SYNE1: variants seen among roughly 807,000 people sequenced by gnomAD.
SYNE1 encodes the protein nesprin-1.
A neutral mutation model predicts 1,111.0 loss-of-function variants in SYNE1; 616 were observed. The observed-to-expected ratio is 0.55, with a 90% CI of 0.52 to 0.59. SYNE1 has a LOEUF of 0.59. Among genes scored for constraint, SYNE1 ranks in the 20% least tolerant of loss-of-function variants. The pLI is 0.00. For synonymous variants in SYNE1, 3,855 were observed against 3,825.8 expected, an observed-to-expected ratio of 1.01 and a Z score of -0.28; for missense variants, 10,006 against 10,417.0, an observed-to-expected ratio of 0.96 and a Z score of 1.72.
chr6:152,595,424 C>G (rs935217901), intron 3 of SYNE1, among the ~76,000 whole-genome samples: 1 of 152,162 alleles, frequency 6.6e-6, no homozygotes, highest in Non-Finnish European at 1.5e-5. Flanking sequence ...CCTGGAATGC[C>G]TTCCCCGCTT....
intron 64 of SYNE1, among the ~76,000 whole-genome samples, chr6:152,361,409 A>G (rs759986939): frequency 6.6e-6 from 1 of 152,264 alleles, no homozygotes; most frequent in African/African-American, 2.4e-5. Flanking sequence ...GGCAAGAAAC[A>G]AGGTGAAAAA....
chr6:152,620,041 C>T (rs183566104), intron 3 of SYNE1, among the ~76,000 whole-genome samples: 58 of 152,222 alleles, frequency 3.8e-4, no homozygotes, highest in Non-Finnish European at 6.8e-4. Flanking sequence ...CAGGCACACG[C>T]GCACCGGCTC....
chr6:152,333,915 C>T, intron 77 of SYNE1, 93 bp downstream of exon 77: 1 of 1,556,486 alleles, frequency 6.4e-7, no homozygotes, highest in Non-Finnish European at 8.8e-7. Context: ...TTACAGGCAT[C>T]AGCCACTGCA....
chr6:152,487,038 T>C (rs536519504), intron 12 of SYNE1, among the ~76,000 whole-genome samples: 2 of 152,350 alleles, frequency 1.3e-5, no homozygotes, highest in African/African-American at 4.8e-5. Context: ...ACAATTTTTA[T>C]TAATTTTTAT....
At chr6:152,201,739 CTAAGAGTT>C in intron 127 of SYNE1, 77 bp downstream of exon 127, 1 of 1,601,668 alleles carries the variant, frequency 6.2e-7, no homozygotes, top group Non-Finnish European at 8.6e-7. Flanking sequence ...TGTAGATAAC[CTAAGAGTT>C]TGACTGGATT....
At chr6:152,621,154 C>A (rs541473128) in intron 3 of SYNE1, among the ~76,000 whole-genome samples, 1 of 151,998 alleles carries the variant, frequency 6.6e-6, no homozygotes, top group African/African-American at 2.4e-5. Context: ...GGACATCTTC[C>A]GAGCATGGAA....
chr6:152,539,735 T>C (rs2099260436), intron 4 of SYNE1, among the ~76,000 whole-genome samples: 1 of 152,166 alleles, frequency 6.6e-6, no homozygotes, highest in Non-Finnish European at 1.5e-5. Flanking sequence ...ATTCACAGAA[T>C]TGACATGAAG....
chr6:152,206,177 G>A lies in SYNE1; in HGVS notation c.23010C>T (p.Phe7670=). ...RLEEQKKKLA[F]LLKDWEKCEK... ...TTCTAACTGAACTTACTTTCAACAA[G>A]AAGGCTAGTTTTTTCTTCTGTTCTT... The change falls in exon 126 of 146, where the codon TTC becomes TTT. Residue 7670 remains phenylalanine (F), a synonymous_variant. Coordinates refer to ENST00000367255, the MANE Select transcript of SYNE1 (RefSeq NM_182961.4). The A allele has an allele frequency of 6.2e-7, 1 of 1,613,420 alleles. No individual in the cohort carries two copies. Among genetic ancestry groups the A allele is most frequent in the Non-Finnish European group, 8.5e-7 (1 of 1,179,984 alleles).
intron 63 of SYNE1, chr6:152,363,897 G>A (rs924334205): frequency 1.0e-4 from 38 of 362,424 alleles, no homozygotes; most frequent in African/African-American, 7.5e-4. Context: ...AGCATTGCCT[G>A]ACTGGATTAA....
Position 152,543,600 on chromosome 6 carries a change from C to T in SYNE1, c.68-3579G>A, listed in dbSNP as rs375076648. Reference sequence around the variant, plus strand: ...TGACAGGGAACAAAATGAACCTTCACGACTAGGTCTATAAAGTTCTTAAGT... The same window carrying T: ...TGACAGGGAACAAAATGAACCTTCATGACTAGGTCTATAAAGTTCTTAAGT... On this transcript the variant is annotated intron_variant, in intron 3 of 145. Coordinates refer to ENST00000367255, the MANE Select transcript of SYNE1 (RefSeq NM_182961.4). 9.9e-5 allele frequency among the ~76,000 whole-genome samples: 15 copies of T among 152,250 alleles called. No homozygotes were observed. The East Asian group carries it at 1.3e-3, about 14-fold the overall frequency.
intron 3 of SYNE1, among the ~76,000 whole-genome samples, chr6:152,602,289 G>A (rs1295610254): frequency 1.3e-5 from 2 of 152,110 alleles, no homozygotes; most frequent in Non-Finnish European, 2.9e-5. Context: ...AGTGTCCTCA[G>A]AAAGAGGGGA....
intron 11 of SYNE1, among the ~76,000 whole-genome samples, chr6:152,495,298 C>A (rs1338813328): frequency 6.6e-6 from 1 of 152,156 alleles, no homozygotes; most frequent in African/African-American, 2.4e-5. Context: ...AGAGGCCTTT[C>A]CCTCAGGGTC....
At chr6:152,356,537 ATAT>A (rs948619530) in intron 66 of SYNE1, among the ~76,000 whole-genome samples, 5 of 148,232 alleles carry the variant, frequency 3.4e-5, no homozygotes, top group Non-Finnish European at 7.4e-5. Context: ...TATATTAAAG[ATAT>A]TATATTAAAA....
chr6:152,221,179 TA>T (rs1459684145), intron 118 of SYNE1, 133 bp from the exon 119 acceptor site: 9 of 1,140,606 alleles, frequency 7.9e-6, no homozygotes, highest in Non-Finnish European at 1.0e-5. Flanking sequence ...TAATAAAAAT[TA>T]ATGTTTCATA....
intron 93 of SYNE1, among the ~76,000 whole-genome samples, chr6:152,296,918 G>C (rs1367013459): frequency 2.0e-5 from 3 of 151,408 alleles, no homozygotes; most frequent in Non-Finnish European, 4.4e-5. Context: ...TTTATCACCA[G>C]GGTGGACCAA....
At chr6:152,476,317 G>T (rs991840031) in intron 14 of SYNE1, among the ~76,000 whole-genome samples, 1 of 152,162 alleles carries the variant, frequency 6.6e-6, no homozygotes, top group African/African-American at 2.4e-5. Flanking sequence ...GATAGAAACT[G>T]TTTTTTCAGT....
chr6:152,449,510 G>T, intron 28 of SYNE1, 23 bp downstream of exon 28: 1 of 1,561,778 alleles, frequency 6.4e-7, no homozygotes, highest in Non-Finnish European at 8.8e-7. Flanking sequence ...TTTTCCTCTA[G>T]CAAATAATGA....
chr6:152,350,695 G>GTTCCAA lies in SYNE1; in HGVS notation c.11650_11655dup (p.Glu3885_Leu3886dup). On this transcript the variant is annotated inframe_insertion, in exon 71 of 146. Coordinates refer to ENST00000367255, the MANE Select transcript of SYNE1 (RefSeq NM_182961.4). ...TCCTTTAAAGTGACGTCCTGCACCA[G>GTTCCAA]TTCCAAAAGAGCTTCACCCTTCTCT... The GTTCCAA allele has an allele frequency of 6.2e-7, 1 of 1,613,996 alleles. No homozygotes were observed. Among genetic ancestry groups the GTTCCAA allele is most frequent in the Non-Finnish European group, 8.5e-7 (1 of 1,180,002 alleles).
chr6:152,452,101 G>C (rs915287255), intron 25 of SYNE1, among the ~76,000 whole-genome samples: 1 of 151,918 alleles, frequency 6.6e-6, no homozygotes, highest in Non-Finnish European at 1.5e-5. Flanking sequence ...AAGCAAGCAA[G>C]CACTCAAACA....
Sources: gnomAD v4.1 joint callset for allele counts (sites outside exome capture counted in the v4.1 genomes callset) on GRCh38, gnomAD v4.1.1 for gene constraint, MANE v1.5 for transcripts, NCBI Gene and HGNC (gene_info 2026-07-23, HGNC 2026-07-21) for gene names.